The following KCNQ1 variants were observed in gnomAD, a reference collection of about 807,000 sequenced individuals.
The protein encoded by KCNQ1 is potassium voltage-gated channel subfamily KQT member 1.
KCNQ1 carries 49 observed loss-of-function variants against 72.4 expected under a neutral mutation model. That is an observed-to-expected ratio of 0.68 (90% CI 0.54 to 0.86). The LOEUF is 0.86. Among genes scored for constraint, KCNQ1 ranks in the 40% least tolerant of loss-of-function variants. KCNQ1 has a pLI of 0.00. For synonymous variants in KCNQ1, 450 were observed against 412.6 expected (o/e 1.09, Z -1.10); for missense variants, 790 against 945.1 (o/e 0.84, Z 2.15).
At chr11:2,792,095 C>A (rs112876247) in intron 15 of KCNQ1, among the ~76,000 whole-genome samples, 4 of 152,148 alleles carry the variant, frequency 2.6e-5, no homozygotes, top group Non-Finnish European at 5.9e-5. Context: ...CCTGGTCCGG[C>A]GCTTCCATTC....
chr11:2,452,311 C>A (rs1846128691), intron 1 of KCNQ1, among the ~76,000 whole-genome samples: 1 of 152,138 alleles, frequency 6.6e-6, no homozygotes, highest in African/African-American at 2.4e-5. Flanking sequence ...ACAGGGACCC[C>A]CACCCCTGTA....
intron 15 of KCNQ1, among the ~76,000 whole-genome samples, chr11:2,838,267 T>G (rs964832937): frequency 2.0e-5 from 3 of 152,172 alleles, no homozygotes; most frequent in Non-Finnish European, 2.9e-5. Context: ...ACTATCCACA[T>G]GCCCGTCAGG....
At chr11:2,528,157 G>C in intron 2 of KCNQ1, 139 bp downstream of exon 2, 1 of 783,074 alleles carries the variant, frequency 1.3e-6, no homozygotes, top group Non-Finnish European at 2.2e-6. Context: ...CTGATACAGG[G>C]GGCACCTCCC....
At chr11:2,696,726 A>G (rs1261338188) in intron 11 of KCNQ1, 5 of 398,446 alleles carry the variant, frequency 1.3e-5, no homozygotes, top group Non-Finnish European at 2.2e-5. Context: ...ATCTCCCTCT[A>G]TATCCTCCAA....
intron 15 of KCNQ1, among the ~76,000 whole-genome samples, chr11:2,846,622 G>T (rs982585898): frequency 1.6e-4 from 25 of 152,244 alleles, no homozygotes; most frequent in Non-Finnish European, 1.9e-4. Context: ...GGTTGGCCCT[G>T]CTCCACCCAG....
Position 2,748,166 on chromosome 11 carries a change from G to A in KCNQ1, c.1515-20678G>A, listed in dbSNP as rs1219905687. 7.2e-5 allele frequency among the ~76,000 whole-genome samples: 11 copies of A among 152,142 alleles called. No homozygotes were observed. Among genetic ancestry groups the A allele is most frequent in the Admixed American group, 6.5e-4 (10 of 15,284 alleles). On this transcript the variant is annotated intron_variant, in intron 11 of 15. Coordinates refer to ENST00000155840, the MANE Select transcript of KCNQ1 (RefSeq NM_000218.3). This position sits in a 1 kb window ranked among gnomAD's most constrained non-coding sequence, Gnocchi z 6.2. The stretch of plus-strand genomic sequence containing the variant: ...GCCTGGGACACCCAGAACTGGCCAG[G>A]AAAGACCCCTACACAGACCCCCAGC...
rs982267316 is a variant in KCNQ1, at chr11:2,690,023, C to T, written c.1514+27942C>T. ...GAACTGTTGAGGAAGGTGAGCCTTCCGAGGGCCAGCCCTGCCTCTCCTCCC... is the reference window on the plus strand; with the variant it reads ...GAACTGTTGAGGAAGGTGAGCCTTCTGAGGGCCAGCCCTGCCTCTCCTCCC... On this transcript the variant is annotated intron_variant, in intron 11 of 15. Transcript: ENST00000155840. This position sits in a 1 kb window ranked among gnomAD's most constrained non-coding sequence, Gnocchi z 5.1. The T allele has an allele frequency of 2.0e-5, 8 of 398,772 alleles. No homozygotes were observed. Among genetic ancestry groups the T allele is most frequent in the East Asian group, 1.1e-4 (3 of 28,094 alleles). The allele number at this position is 398,772 out of a possible 1,614,324, so 24.7% of individuals were successfully genotyped here.
At position 2,598,579 on chromosome 11, in the gene KCNQ1, T is replaced by C. The variant is rs576552591; in HGVS notation, c.1393+9725T>C. Among the ~76,000 whole-genome samples, 1 of 150,798 alleles carries C rather than the reference T, an allele frequency of 6.6e-6. No individual in the cohort carries two copies. The highest frequency in any genetic ancestry group is 2.5e-5 in the African/African-American group (1 of 40,656). ...GGATTGTGTATACATACTTATTCAT[T>C]GCCTCATTTAGGTCTGCTCTGCCCT... is the stretch of plus-strand genomic sequence containing the variant. On this transcript the variant is annotated intron_variant, in intron 10 of 15. Coordinates refer to ENST00000155840, the MANE Select transcript of KCNQ1 (RefSeq NM_000218.3). The surrounding 1 kb of genome is among the most constrained non-coding windows in gnomAD (Gnocchi z 6.2).
chr11:2,523,946 A>G (rs1847446857), intron 1 of KCNQ1, among the ~76,000 whole-genome samples: 1 of 151,854 alleles, frequency 6.6e-6, no homozygotes, highest in African/African-American at 2.4e-5. Context: ...ATTCGGGTGC[A>G]TGACTCGCAG....
rs1849756901 is a variant in KCNQ1, at chr11:2,651,560, T to C, written c.1394-10401T>C. 2.5e-6 allele frequency: 1 copy of C among 398,528 alleles called. No homozygotes were observed. 24.7% of individuals were successfully genotyped at this position (398,528 alleles called of 1,614,324 possible). A position where few individuals can be genotyped will look rare whatever the true frequency, so the allele number is the denominator to read the frequency against. On this transcript the variant is annotated intron_variant, in intron 10 of 15. Transcript: ENST00000155840. This position sits in a 1 kb window ranked among gnomAD's most constrained non-coding sequence, Gnocchi z 6.1. ...TGTCCCTGAGAACATGGATATTGTG[T>C]TCTTTACCTCCATGTCTCCAGTGCC...
At chr11:2,667,261 G>A (rs758036644) in intron 11 of KCNQ1, 85 of 398,622 alleles carry the variant, frequency 2.1e-4, no homozygotes, top group Non-Finnish European at 2.9e-4. Flanking sequence ...AGGAAGAAGC[G>A]GCTGGCCTAG....
rs1363708173 is a variant in KCNQ1 at position 2,604,734 on chromosome 11, A to G, written c.1393+15880A>G. 5.3e-5 allele frequency among the ~76,000 whole-genome samples: 8 copies of G among 152,100 alleles called. No homozygotes were observed. The East Asian group carries it at 1.2e-3, about 22-fold the overall frequency. ...TAATTTTTTGTATTTTAGTAGAGACAGGGTTTTACCATGTTGGCCGAGATG... is the reference window on the plus strand; with the variant it reads ...TAATTTTTTGTATTTTAGTAGAGACGGGGTTTTACCATGTTGGCCGAGATG... On this transcript the variant is annotated intron_variant, in intron 10 of 15. Transcript: ENST00000155840.
At chr11:2,596,133 C>T (rs1848729796) in intron 10 of KCNQ1, among the ~76,000 whole-genome samples, 1 of 152,042 alleles carries the variant, frequency 6.6e-6, no homozygotes, top group Non-Finnish European at 1.5e-5. Context: ...AATGAAATAC[C>T]ACGGCCCAAT....
intron 11 of KCNQ1, among the ~76,000 whole-genome samples, chr11:2,726,711 G>A (rs1170527233): frequency 6.6e-6 from 1 of 152,206 alleles, no homozygotes; most frequent in East Asian, 1.9e-4. Flanking sequence ...GCCTGAATAG[G>A]AGCTGACTTT....
chr11:2,840,014 G>C (rs1848170170), intron 15 of KCNQ1: 1 of 152,130 alleles, frequency 6.6e-6, no homozygotes, highest in Non-Finnish European at 1.5e-5. Flanking sequence ...AACAATGCAG[G>C]GTTGGGGCAC....
chr11:2,463,968 G>C lies in KCNQ1; in HGVS notation c.386+18484G>C, dbSNP rs763841860. ...CCAGCAGGCTCACTGTCGGCAGTTGGGTCTGGTTTGATAACCGTGGACCGG... is the reference window on the plus strand; with the variant it reads ...CCAGCAGGCTCACTGTCGGCAGTTGCGTCTGGTTTGATAACCGTGGACCGG... On this transcript the variant is annotated intron_variant, in intron 1 of 15. Coordinates refer to ENST00000155840, the MANE Select transcript of KCNQ1 (RefSeq NM_000218.3). The surrounding 1 kb of genome is among the most constrained non-coding windows in gnomAD (Gnocchi z 7.0). Among the ~76,000 whole-genome samples the C allele has an allele frequency of 9.2e-5, 14 of 152,214 alleles. No individual in the cohort carries two copies. Among genetic ancestry groups the C allele is most frequent in the Non-Finnish European group, 1.9e-4 (13 of 68,038 alleles).
intron 11 of KCNQ1, chr11:2,675,061 A>T (rs1406132471): frequency 2.5e-6 from 1 of 398,544 alleles, no homozygotes; most frequent in Non-Finnish European, 4.4e-6. Flanking sequence ...CCAAGGGCAG[A>T]GCCCCTGGAG....
intron 15 of KCNQ1, among the ~76,000 whole-genome samples, chr11:2,838,456 ATGAC>A (rs36157111): frequency 0.59 from 89,507 of 151,562 alleles, 28,864 homozygotes; most frequent in Non-Finnish European, 0.75. Flanking sequence ...GTTAGAGCCT[ATGAC>A]TGACAGGGGT....
chr11:2,702,606 A>G (rs1850834659), intron 11 of KCNQ1, among the ~76,000 whole-genome samples: 1 of 152,130 alleles, frequency 6.6e-6, no homozygotes, highest in African/African-American at 2.4e-5. Context: ...TGATTCATTT[A>G]TATAGATTTT....
Sources: allele counts gnomAD v4.1 joint callset (sites outside exome capture counted in the v4.1 genomes callset), GRCh38; gene constraint gnomAD v4.1.1; non-coding constraint Gnocchi (gnomAD v3.1); transcripts MANE v1.5; gene names NCBI Gene and HGNC (gene_info 2026-07-23, HGNC 2026-07-21).